Variants in EDAR observed in about 807,000 individuals in gnomAD.
EDAR encodes tumor necrosis factor receptor superfamily member EDAR.
A neutral mutation model predicts 51.3 loss-of-function variants in EDAR; 38 were observed. The observed-to-expected ratio is 0.74, with a 90% CI of 0.57 to 0.97. The LOEUF (loss-of-function observed/expected upper bound fraction) is 0.97. Ranked by LOEUF, EDAR falls within the 50% of genes least tolerant of loss-of-function variation. EDAR has a pLI of 0.00. For missense variants in EDAR, 528 were observed against 595.0 expected, an observed-to-expected ratio of 0.89 and a Z score of 1.17; for synonymous variants, 227 against 242.1, an observed-to-expected ratio of 0.94 and a Z score of 0.58.
At chr2:108,900,780 A>G (rs1696685048) in intron 11 of EDAR, among the ~76,000 whole-genome samples, 1 of 152,208 alleles carries the variant, frequency 6.6e-6, no homozygotes, top group Non-Finnish European at 1.5e-5. Flanking sequence ...GTTAAAGTAG[A>G]CTTCAGAGGA....
chr2:108,932,528 C>CA (rs1171012818), intron 1 of EDAR, among the ~76,000 whole-genome samples: 3,829 of 37,964 alleles, frequency 0.1, 228 homozygotes, highest in African/African-American at 0.12. Context: ...GACTCTGTCT[C>CA]AAAAAAAAAA....
chr2:108,906,709 T>C (rs556577416), intron 10 of EDAR, among the ~76,000 whole-genome samples: 59 of 152,334 alleles, frequency 3.9e-4, no homozygotes, highest in African/African-American at 1.4e-3. Context: ...AGCAGAGCCG[T>C]GCGGGGCTCC....
rs200484270 is a variant in EDAR at position 108,979,448 on chromosome 2, G to GTCTCTC, written c.-19+9511_-19+9512insGAGAGA. Reference sequence around the variant, plus strand: ...TCTCTCTCTCTCTTTCTCTCTCTCTGTCTCTGTCTCTCTCTCTCTCACACA... The same window carrying GTCTCTC: ...TCTCTCTCTCTCTTTCTCTCTCTCTGTCTCTCTCTCTGTCTCTCTCTCTCTCACACA... On this transcript the variant is annotated intron_variant, in intron 1 of 11. Transcript: ENST00000258443. Among the ~76,000 whole-genome samples, 279 of 140,322 alleles carry GTCTCTC rather than the reference G, an allele frequency of 2.0e-3. 8 individuals carry two copies. Among genetic ancestry groups the GTCTCTC allele is most frequent in the Middle Eastern group, 0.011 (3 of 276 alleles). The allele number at this position is 140,322 out of a possible 152,430, so 92.1% of individuals were successfully genotyped here.
chr2:108,944,123 C>CT (rs576703266), intron 1 of EDAR, among the ~76,000 whole-genome samples: 2 of 152,118 alleles, frequency 1.3e-5, no homozygotes, highest in South Asian at 2.1e-4. Flanking sequence ...ATGGTATATT[C>CT]TTTTTTTTGA....
rs765164560 is a variant in EDAR, at chr2:108,906,331, G to A, written c.1001C>T (p.Ala334Val). Residue 334 changes from alanine (A) to valine (V), a missense_variant, in exon 11 of 12, where the codon GCC becomes GTC. Coordinates refer to ENST00000258443, the MANE Select transcript of EDAR (RefSeq NM_022336.4). ...ACCTTCCACGACTCCACACACGTTG[G>A]CATACACATCGAGGATCTTTTTCCT... Reference protein sequence around the residue: ...SRRKKILDVYANVCGVVEGLS... With the variant: ...SRRKKILDVYVNVCGVVEGLS... The A allele has an allele frequency of 6.2e-7, 1 of 1,614,056 alleles. No individual in the cohort carries two copies. Among genetic ancestry groups the A allele is most frequent in the South Asian group, 1.1e-5 (1 of 91,088 alleles).
intron 1 of EDAR, among the ~76,000 whole-genome samples, chr2:108,968,874 A>T (rs1381098666): frequency 6.6e-6 from 1 of 152,270 alleles, no homozygotes; most frequent in Non-Finnish European, 1.5e-5. Flanking sequence ...GCCAAAGCCC[A>T]GTCACGGTAG....
chr2:108,979,730 C>G (rs1473331365), intron 1 of EDAR, among the ~76,000 whole-genome samples: 1 of 152,118 alleles, frequency 6.6e-6, no homozygotes, highest in African/African-American at 2.4e-5. Flanking sequence ...GTCCAGGCAG[C>G]AGTAGCCAAC....
At chr2:108,967,755 C>T (rs551851147) in intron 1 of EDAR, among the ~76,000 whole-genome samples, 4 of 152,210 alleles carry the variant, frequency 2.6e-5, no homozygotes, top group African/African-American at 9.6e-5. Flanking sequence ...AAAAACTAGA[C>T]GGTGGATTTC....
chr2:108,917,448 G>A (rs1697048229), intron 5 of EDAR, among the ~76,000 whole-genome samples: 1 of 152,144 alleles, frequency 6.6e-6, no homozygotes, highest in African/African-American at 2.4e-5. Flanking sequence ...AACGTTTGAG[G>A]TCATGGATAT....
rs895524332 is a variant in EDAR, at chr2:108,913,898, T to C, written c.443-1134A>G. The stretch of plus-strand genomic sequence containing the variant: ...CCAGGAGGCGGAGCTTGCAGTGAGC[T>C]GAGATTGCGCCACTGCACTCCAGCC... On this transcript the variant is annotated intron_variant, in intron 5 of 11. Coordinates refer to ENST00000258443, the MANE Select transcript of EDAR (RefSeq NM_022336.4). Among the ~76,000 whole-genome samples the C allele has an allele frequency of 4.4e-5, 6 of 136,964 alleles. No individual in the cohort carries two copies. In the East Asian group the frequency reaches 8.5e-4, roughly 19 times the overall value. The allele number at this position is 136,964 out of a possible 152,430, so 89.9% of individuals were successfully genotyped here.
At chr2:108,984,086 T>C (rs1698460065) in intron 1 of EDAR, among the ~76,000 whole-genome samples, 1 of 152,196 alleles carries the variant, frequency 6.6e-6, no homozygotes, top group African/African-American at 2.4e-5. Flanking sequence ...AATCATGTGT[T>C]TCAGGTTAGG....
Position 108,926,616 on chromosome 2 carries a change from G to A in EDAR, c.356+2582C>T, listed in dbSNP as rs921854918. 3.3e-5 allele frequency among the ~76,000 whole-genome samples: 5 copies of A among 152,348 alleles called. No individual in the cohort carries two copies. In the South Asian group the frequency reaches 1.0e-3, roughly 32 times the overall value. ...CCGGGGTGAGGCCTGGAGAGGTGAG[G>A]AAGCGTAACCTCTCTCTCCCCCTTT... On this transcript the variant is annotated intron_variant, in intron 4 of 11. Coordinates refer to ENST00000258443, the MANE Select transcript of EDAR (RefSeq NM_022336.4).
chr2:108,932,998 G>A (rs1053903600), intron 1 of EDAR, among the ~76,000 whole-genome samples: 5 of 152,256 alleles, frequency 3.3e-5, no homozygotes, highest in Non-Finnish European at 5.9e-5. Context: ...GAAGAGGGTG[G>A]GCAGAATCCT....
Position 108,919,583 on chromosome 2 carries a change from C to T in EDAR, c.442+3785G>A, listed in dbSNP as rs543120224. 4.6e-5 allele frequency among the ~76,000 whole-genome samples: 7 copies of T among 152,252 alleles called. No homozygotes were observed. In the East Asian group the frequency reaches 1.4e-3, roughly 29 times the overall value. ...ATGTTGGCCAGGCTGATCTTGAACT[C>T]CCAACCTTAGATGATCTGCCTGCTT... On this transcript the variant is annotated intron_variant, in intron 5 of 11. Transcript: ENST00000258443.
At chr2:108,931,085 G>A in intron 1 of EDAR, 53 bp from the exon 2 acceptor site, 1 of 1,502,642 alleles carries the variant, frequency 6.7e-7, no homozygotes, top group Admixed American at 1.7e-5. Flanking sequence ...CCAGCCGGGG[G>A]TCTGGCTACC....
chr2:108,958,841 T>G (rs1451188016), intron 1 of EDAR, among the ~76,000 whole-genome samples: 1 of 105,362 alleles, frequency 9.5e-6, no homozygotes, highest in Non-Finnish European at 1.6e-5. Context: ...CCAGAGATAG[T>G]GGGCTCTCCA....
chr2:108,904,819 G>A (rs773988144), intron 11 of EDAR, among the ~76,000 whole-genome samples: 2 of 152,144 alleles, frequency 1.3e-5, no homozygotes, highest in Non-Finnish European at 2.9e-5. Context: ...TGAGGGTGGG[G>A]TGGGTGGAAA....
chr2:108,938,246 CGAT>C (rs1697514737), intron 1 of EDAR, among the ~76,000 whole-genome samples: 2 of 152,154 alleles, frequency 1.3e-5, no homozygotes, highest in Admixed American at 6.5e-5. Context: ...AAACCAGTGA[CGAT>C]GATAATTTCT....
intron 1 of EDAR, among the ~76,000 whole-genome samples, chr2:108,974,669 T>G (rs1222287397): frequency 1.3e-5 from 2 of 151,420 alleles, no homozygotes; most frequent in African/African-American, 4.9e-5. Flanking sequence ...GGCGAAGGTT[T>G]CAGTGAGCCG....
Sources: gnomAD v4.1 joint callset for allele counts (sites outside exome capture counted in the v4.1 genomes callset) on GRCh38, gnomAD v4.1.1 for gene constraint, MANE v1.5 for transcripts, NCBI Gene and HGNC (gene_info 2026-07-23, HGNC 2026-07-21) for gene names.